The following PDE12 variants were observed in gnomAD, a reference collection of about 807,000 sequenced individuals.
The protein encoded by PDE12 is 2',5'-phosphodiesterase 12.
Under a neutral mutation model 45.4 loss-of-function variants are expected in PDE12, and 26 were observed. That is an observed-to-expected ratio of 0.57 (90% CI 0.42 to 0.79). The LOEUF is 0.79. Among genes scored for constraint, PDE12 ranks in the 30% least tolerant of loss-of-function variants. The pLI, the probability that PDE12 is intolerant of heterozygous loss-of-function variation, is 0.00. For missense variants in PDE12, 668 were observed against 790.0 expected, an observed-to-expected ratio of 0.85 and a Z score of 1.85; for synonymous variants, 283 against 323.9, an observed-to-expected ratio of 0.87 and a Z score of 1.36.
At chr3:57,610,823 T>C in the PDE12 span, among the ~76,000 whole-genome samples, 1 of 152,092 alleles carries the variant, frequency 6.6e-6, no homozygotes, top group Admixed American at 6.6e-5. Flanking sequence ...AGGTAATTTA[T>C]AGATTCAATG....
At chr3:57,611,248 A>G in the PDE12 span, among the ~76,000 whole-genome samples, 6 of 152,208 alleles carry the variant, frequency 3.9e-5, no homozygotes, top group Admixed American at 2.6e-4. Flanking sequence ...TGGATTAAAG[A>G]TTTAAATGTT....
At chr3:57,557,725 A>G (rs2069682779) in intron 1 of PDE12, 38 bp downstream of exon 1, 5 of 1,560,194 alleles carry the variant, frequency 3.2e-6, no homozygotes, top group Admixed American at 1.8e-5. Flanking sequence ...ATACTGTCCC[A>G]CTTTTAGGGG....
chr3:57,622,239 C>T, the PDE12 span, among the ~76,000 whole-genome samples: 2 of 152,218 alleles, frequency 1.3e-5, no homozygotes, highest in East Asian at 3.9e-4. Flanking sequence ...TCTCAAGGCA[C>T]AACCATAGGA....
chr3:57,584,105 C>CT, the PDE12 span: 1 of 849,582 alleles, frequency 1.2e-6, no homozygotes, highest in Non-Finnish European at 1.8e-6. Flanking sequence ...TAAAGTACTT[C>CT]TTTTTATTTT....
the PDE12 span, chr3:57,630,553 T>A: frequency 2.5e-6 from 4 of 1,569,366 alleles, no homozygotes; most frequent in Admixed American, 8.4e-5. Flanking sequence ...AAAAGTAAAG[T>A]TTGATTATAA....
chr3:57,648,375 C>T, the PDE12 span, among the ~76,000 whole-genome samples: 6 of 152,126 alleles, frequency 3.9e-5, no homozygotes, highest in Admixed American at 3.9e-4. Context: ...GGAAACACAT[C>T]CTATGCTCAT....
chr3:57,588,468 G>T, the PDE12 span, among the ~76,000 whole-genome samples: 1,842 of 152,348 alleles, frequency 0.012, 27 homozygotes, highest in Non-Finnish European at 0.014. Context: ...AGCATGTTGG[G>T]AGGCTGAGGC....
the PDE12 span, chr3:57,572,217 G>A: frequency 6.8e-6 from 11 of 1,613,112 alleles, no homozygotes; most frequent in Admixed American, 1.7e-5. Context: ...TTCATTTAAC[G>A]TTTTGAAAGC....
At chr3:57,613,976 C>G in the PDE12 span, among the ~76,000 whole-genome samples, 2 of 151,314 alleles carry the variant, frequency 1.3e-5, no homozygotes, top group African/African-American at 2.4e-5. Context: ...AAGATATACC[C>G]TGCTAACTAA....
At chr3:57,649,920 T>TACAC in the PDE12 span, among the ~76,000 whole-genome samples, 3 of 111,640 alleles carry the variant, frequency 2.7e-5, no homozygotes, top group African/African-American at 1.1e-4. Context: ...TCTGTATATA[T>TACAC]ATACACACAC....
the PDE12 span, chr3:57,633,293 T>G: frequency 6.2e-7 from 1 of 1,613,754 alleles, no homozygotes; most frequent in Non-Finnish European, 8.5e-7. Flanking sequence ...TTGTGTCAGT[T>G]CCAAAAAATA....
At chr3:57,582,646 G>A in the PDE12 span, among the ~76,000 whole-genome samples, 3 of 152,116 alleles carry the variant, frequency 2.0e-5, no homozygotes, top group African/African-American at 7.2e-5. Flanking sequence ...ACTGCCACCT[G>A]ATGGCAATAA....
chr3:57,579,253 C>CAAAA, the PDE12 span, among the ~76,000 whole-genome samples: 25,242 of 47,724 alleles, frequency 0.53, 7,875 homozygotes, highest in African/African-American at 0.66. Context: ...AACTACATCT[C>CAAAA]AAAAAAAAAA....
Position 57,559,353 on chromosome 3 carries a change from G to A in PDE12, c.1352G>A (p.Cys451Tyr). The A allele has an allele frequency of 6.2e-7, 1 of 1,613,106 alleles. No homozygotes were observed. The highest frequency in any genetic ancestry group is 8.5e-7 in the Non-Finnish European group (1 of 1,179,086). The change falls in exon 2 of 3, where the codon TGT (cysteine) becomes TAT (tyrosine). Residue 451 changes from cysteine (C) to tyrosine (Y), a missense_variant. By Grantham distance (194) the Cys-to-Tyr change is radical. Transcript: ENST00000311180. ...ACAAAGGACTCTTCTAAAAGGATAT[G>A]TGTTGCTAATACCCATCTTTACTGG... is the stretch of plus-strand genomic sequence containing the variant. ...QSTKDSSKRI[C>Y]VANTHLYWHP...
the PDE12 span, among the ~76,000 whole-genome samples, chr3:57,604,674 A>G: frequency 4.2e-5 from 6 of 143,666 alleles, no homozygotes; most frequent in African/African-American, 1.6e-4. Context: ...ATGCAGTGGT[A>G]TGATCGTGGC....
At chr3:57,595,986 C>T in the PDE12 span, among the ~76,000 whole-genome samples, 1 of 151,916 alleles carries the variant, frequency 6.6e-6, no homozygotes, top group Non-Finnish European at 1.5e-5. Flanking sequence ...ATAAAACCTC[C>T]TCCGGTAGAA....
Position 57,556,424 on chromosome 3 carries a change from G to C in PDE12, c.45G>C (p.Arg15=). 1 of 1,610,498 alleles carries C rather than the reference G, an allele frequency of 6.2e-7. No individual in the cohort carries two copies. Among genetic ancestry groups the C allele is most frequent in the Non-Finnish European group, 8.5e-7 (1 of 1,178,728 alleles). The change falls in exon 1 of 3, where the codon CGG becomes CGC. Residue 15 remains arginine, a synonymous_variant. Transcript: ENST00000311180. This position sits in a 1 kb window ranked among gnomAD's most constrained non-coding sequence, Gnocchi z 5.0. ...PGARAALRVI[R]TAVEKLSRAE... is the part of the protein sequence containing the mutation. ...CCCGCGCCGCGCTTCGGGTGATCCG[G>C]ACGGCGGTGGAGAAGCTGAGCCGGG...
chr3:57,587,586 A>AT, the PDE12 span, among the ~76,000 whole-genome samples: 63 of 151,842 alleles, frequency 4.1e-4, no homozygotes, highest in Admixed American at 2.0e-3. Flanking sequence ...GTCCAAGCAG[A>AT]TTTTTTTTAA....
At chr3:57,618,334 A>G in the PDE12 span, among the ~76,000 whole-genome samples, 1 of 152,182 alleles carries the variant, frequency 6.6e-6, no homozygotes, top group South Asian at 2.1e-4. Context: ...TTTAACATAA[A>G]TCAATCATAT....
Sources: gnomAD v4.1 joint callset for allele counts (sites outside exome capture counted in the v4.1 genomes callset) on GRCh38, gnomAD v4.1.1 for gene constraint, Gnocchi (gnomAD v3.1) non-coding constraint, MANE v1.5 for transcripts, NCBI Gene and HGNC (gene_info 2026-07-23, HGNC 2026-07-21) for gene names.